CAPS2: variants seen among roughly 807,000 people sequenced by gnomAD.
CAPS2 encodes the protein calcyphosin-2.
CAPS2 carries 98 observed loss-of-function variants against 86.5 expected under a neutral mutation model. The observed-to-expected ratio is 1.13, with a 90% CI of 0.96 to 1.34. The LOEUF is 1.34. Among genes scored for constraint, CAPS2 ranks in the 40% most tolerant of loss-of-function variants. CAPS2 has a pLI of 0.00. For synonymous variants in CAPS2, 210 were observed against 225.1 expected (o/e 0.93, Z 0.60); for missense variants, 729 against 686.8 (o/e 1.06, Z -0.69).
intron 1 of CAPS2, among the ~76,000 whole-genome samples, chr12:75,335,740 A>G (rs552575580): frequency 9.9e-5 from 15 of 152,230 alleles, no homozygotes; most frequent in Admixed American, 6.5e-4. Context: ...TGTATCAGAA[A>G]TGAAACAAGA....
rs550093682 is a variant in CAPS2, at chr12:75,326,087, A to C, written c.81+331T>G. Reference sequence around the variant, plus strand: ...TCAGCACTTATACCCTATTTCTGAAATGTTATCTGACTTGTGCTTTTTTTG... The same window carrying C: ...TCAGCACTTATACCCTATTTCTGAACTGTTATCTGACTTGTGCTTTTTTTG... On this transcript the variant is annotated intron_variant, in intron 1 of 16. Transcript: ENST00000393284. Among the ~76,000 whole-genome samples the C allele has an allele frequency of 2.0e-5, 3 of 152,272 alleles. No individual in the cohort carries two copies. The East Asian group carries it at 5.8e-4, about 29-fold the overall frequency.
At chr12:75,298,080 T>C (rs1285624275) in intron 11 of CAPS2, 9 of 152,328 alleles carry the variant, frequency 5.9e-5, no homozygotes, top group African/African-American at 2.2e-4. Context: ...GAAACATATA[T>C]TACCTGAATG....
intron 14 of CAPS2, among the ~76,000 whole-genome samples, chr12:75,287,646 A>C (rs1204890013): frequency 6.6e-6 from 1 of 152,196 alleles, no homozygotes; most frequent in East Asian, 1.9e-4. Flanking sequence ...GGTGGCACCC[A>C]GGGAGGGCAT....
upstream of CAPS2, among the ~76,000 whole-genome samples, chr12:75,328,366 A>G (rs993875229): frequency 8.5e-5 from 13 of 152,140 alleles, no homozygotes; most frequent in Non-Finnish European, 1.8e-4. Context: ...GTCATTTCAA[A>G]TCAGTATAAT....
At chr12:75,352,624 A>G (rs2042889329) in intron 1 of CAPS2, among the ~76,000 whole-genome samples, 1 of 152,226 alleles carries the variant, frequency 6.6e-6, no homozygotes, top group African/African-American at 2.4e-5. Flanking sequence ...AATATCCTGA[A>G]GTTGAACTCA....
intron 8 of CAPS2, among the ~76,000 whole-genome samples, chr12:75,301,283 A>T (rs1017175651): frequency 2.0e-5 from 3 of 152,210 alleles, no homozygotes; most frequent in Non-Finnish European, 4.4e-5. Context: ...TGAAAGCTAC[A>T]CCTCTATAAA....
At chr12:75,279,110 G>A (rs1205865241) in intron 16 of CAPS2, 45 bp from the exon 17 acceptor site, 2 of 1,388,412 alleles carry the variant, frequency 1.4e-6, no homozygotes, top group African/African-American at 3.0e-5. Flanking sequence ...GAAAAGTTCA[G>A]TGAAATGACT....
Position 75,298,745 on chromosome 12 carries a change from TA to T in CAPS2, c.985del (p.Tyr329IlefsTer24), listed in dbSNP as rs1565825526. On this transcript the variant is annotated frameshift_variant, in exon 11 of 17. Transcript: ENST00000393284. LOFTEE classifies it high-confidence loss of function. ...TTTTCTTCGTCCACACTGATGACTATAAATGCTTTTTTGAATAAAAGGAAGC... is the reference window on the plus strand; with the variant it reads ...TTTTCTTCGTCCACACTGATGACTATAATGCTTTTTTGAATAAAAGGAAGC... 1 of 1,613,962 alleles carries T rather than the reference TA, an allele frequency of 6.2e-7. No individual in the cohort carries two copies. Among genetic ancestry groups the T allele is most frequent in the Non-Finnish European group, 8.5e-7 (1 of 1,179,932 alleles).
intron 5 of CAPS2, among the ~76,000 whole-genome samples, chr12:75,317,669 T>A (rs1260827424): frequency 6.6e-6 from 1 of 152,200 alleles, no homozygotes; most frequent in African/African-American, 2.4e-5. Context: ...TGTTTTTTTA[T>A]GTTAAAATAT....
At chr12:75,314,409 T>A in intron 6 of CAPS2, among the ~76,000 whole-genome samples, 1 of 152,120 alleles carries the variant, frequency 6.6e-6, no homozygotes, top group Admixed American at 6.5e-5. Context: ...TATTTAAATA[T>A]TATTTAGCCT....
In CAPS2 at chr12:75,313,052, G is replaced by C. The variant is rs139320582; in HGVS notation, c.592-137C>G. On this transcript the variant is annotated intron_variant, in intron 6 of 16. Coordinates refer to ENST00000393284, the Ensembl canonical transcript of CAPS2. ...TAGATGGAAATAGATTACTATTATA[G>C]ATTATAGATTACTTTCCATCATTAC... 1,006 of 455,570 alleles carry C rather than the reference G, an allele frequency of 2.2e-3. 1 individual carries two copies. The highest frequency in any genetic ancestry group is 3.5e-3 in the Non-Finnish European group (894 of 258,220). 28.2% of individuals were successfully genotyped at this position (455,570 alleles called of 1,614,324 possible). A position where few individuals can be genotyped will look rare whatever the true frequency, so the allele number is the denominator to read the frequency against.
chr12:75,316,179 A>T (rs1407886347), intron 6 of CAPS2, 133 bp downstream of exon 6: 2 of 1,129,712 alleles, frequency 1.8e-6, no homozygotes, highest in African/African-American at 3.1e-5. Flanking sequence ...TGAGGACTCA[A>T]TTTTCCATTA....
chr12:75,321,279 A>G, intron 5 of CAPS2, 121 bp downstream of exon 5: 1 of 629,514 alleles, frequency 1.6e-6, no homozygotes. Context: ...ATGCAGAAAT[A>G]AATGTTAGCT....
At chr12:75,351,015 G>A (rs2042773435) in intron 1 of CAPS2, among the ~76,000 whole-genome samples, 1 of 152,158 alleles carries the variant, frequency 6.6e-6, no homozygotes, top group African/African-American at 2.4e-5. Context: ...TGAACTGATG[G>A]AGCTGTAAAA....
chr12:75,310,036 GTTCA>G (rs1433885645), intron 7 of CAPS2, among the ~76,000 whole-genome samples: 1 of 152,158 alleles, frequency 6.6e-6, no homozygotes, highest in Non-Finnish European at 1.5e-5. Context: ...CTCTTTTCCA[GTTCA>G]TTCATTCATT....
intron 8 of CAPS2, among the ~76,000 whole-genome samples, chr12:75,302,984 C>T (rs2138615449): frequency 6.6e-6 from 1 of 152,284 alleles, no homozygotes; most frequent in Admixed American, 6.5e-5. Flanking sequence ...CAAAGCTGAA[C>T]ATATGGATAC....
At chr12:75,329,896 A>AG (rs1381793151), upstream of CAPS2, 32 of 1,541,508 alleles carry the variant, frequency 2.1e-5, no homozygotes, top group East Asian at 1.2e-4. Flanking sequence ...AGGACAGGCG[A>AG]GGGGCACAAG....
At chr12:75,302,323 A>G (rs928920294) in intron 8 of CAPS2, among the ~76,000 whole-genome samples, 1 of 152,236 alleles carries the variant, frequency 6.6e-6, no homozygotes, top group Non-Finnish European at 1.5e-5. Context: ...ATAGGATAAT[A>G]CTGACACAGG....
intron 15 of CAPS2, 61 bp downstream of exon 15, chr12:75,284,898 TAA>T: frequency 7.1e-7 from 1 of 1,417,418 alleles, no homozygotes; most frequent in Non-Finnish European, 9.5e-7. Flanking sequence ...ATTAAAGTTT[TAA>T]AATACTGAAC....
Sources: allele counts gnomAD v4.1 joint callset (sites outside exome capture counted in the v4.1 genomes callset), GRCh38; gene constraint gnomAD v4.1.1; transcripts MANE v1.5; gene names NCBI Gene and HGNC (gene_info 2026-07-23, HGNC 2026-07-21).